The following CFDP1 variants were observed in gnomAD, a reference collection of about 807,000 sequenced individuals.
CFDP1 encodes chromatin remodeling protein CFDP1, also known as heterochromatin-stabilizing protein CFDP1.
A neutral mutation model predicts 40.1 loss-of-function variants in CFDP1; 31 were observed. The ratio of observed to expected loss-of-function variants is 0.77; its 90% confidence interval spans 0.58 to 1.04. The LOEUF (loss-of-function observed/expected upper bound fraction) is 1.04. Among genes scored for constraint, CFDP1 ranks in the 50% least tolerant of loss-of-function variants. The pLI is 0.00. For missense variants in CFDP1, 423 were observed against 343.4 expected (o/e 1.23, Z -1.83); for synonymous variants, 167 against 120.0 (o/e 1.39, Z -2.56).
At chr16:75,311,395 T>C (rs1008931740) in intron 5 of CFDP1, among the ~76,000 whole-genome samples, 1 of 152,170 alleles carries the variant, frequency 6.6e-6, no homozygotes, top group Admixed American at 6.5e-5. Context: ...CACTTTGGCC[T>C]CTCAAAGTGC....
rs1479155808 is a variant in CFDP1 at position 75,393,548 on chromosome 16, G to A, written c.650+1542C>T. 1.3e-4 allele frequency among the ~76,000 whole-genome samples: 20 copies of A among 148,848 alleles called. No homozygotes were observed. In the East Asian group the frequency reaches 1.4e-3, roughly 10 times the overall value. On this transcript the variant is annotated intron_variant, in intron 5 of 6. Coordinates refer to ENST00000283882, the MANE Select transcript of CFDP1 (RefSeq NM_006324.3). ...AGATCGAGACCATCCTGGCTAACAA[G>A]GTGAAACCCCGTCTCTACTAAAAAT...
chr16:75,422,733 C>A (rs247423), intron 1 of CFDP1, among the ~76,000 whole-genome samples: 27,004 of 150,588 alleles, frequency 0.18, 2,593 homozygotes, highest in East Asian at 0.39. Context: ...AAAAAAAACA[C>A]GTTTTTAGAG....
At chr16:75,374,803 T>C (rs1251569809) in intron 5 of CFDP1, among the ~76,000 whole-genome samples, 1 of 152,080 alleles carries the variant, frequency 6.6e-6, no homozygotes, top group Non-Finnish European at 1.5e-5. Flanking sequence ...ACAATGGAAC[T>C]GAAATAAAAA....
At chr16:75,299,000 A>G (rs532429718) in intron 6 of CFDP1, among the ~76,000 whole-genome samples, 11 of 152,274 alleles carry the variant, frequency 7.2e-5, no homozygotes, top group African/African-American at 2.6e-4. Context: ...TTCTCTATGC[A>G]TGGATTCCTC....
chr16:75,412,224 G>C (rs1484154641), intron 3 of CFDP1, among the ~76,000 whole-genome samples: 4 of 152,068 alleles, frequency 2.6e-5, no homozygotes, highest in African/African-American at 9.7e-5. Context: ...TCGCCATGTT[G>C]GCCAGGCTGG....
intron 5 of CFDP1, among the ~76,000 whole-genome samples, chr16:75,343,135 C>T (rs2078537989): frequency 6.6e-6 from 1 of 152,180 alleles, no homozygotes; most frequent in Non-Finnish European, 1.5e-5. Context: ...TTGGGGAAGA[C>T]AGAGACTTGC....
At chr16:75,307,916 G>C (rs1453309697) in intron 5 of CFDP1, among the ~76,000 whole-genome samples, 1 of 152,176 alleles carries the variant, frequency 6.6e-6, no homozygotes, top group Non-Finnish European at 1.5e-5. Flanking sequence ...TCTAGATTAG[G>C]TGTCCCTGGT....
chr16:75,333,914 GT>G (rs1253687984), intron 5 of CFDP1, among the ~76,000 whole-genome samples: 2 of 152,218 alleles, frequency 1.3e-5, no homozygotes, highest in Admixed American at 6.5e-5. Context: ...AAGGAAGGAA[GT>G]TATGGTGGTT....
At chr16:75,396,893 G>C (rs1159126303) in intron 4 of CFDP1, among the ~76,000 whole-genome samples, 1 of 152,010 alleles carries the variant, frequency 6.6e-6, no homozygotes, top group Non-Finnish European at 1.5e-5. Flanking sequence ...CCTCTGAGAA[G>C]TTTTTTCTTG....
At chr16:75,379,123 C>T (rs1374982937) in intron 5 of CFDP1, among the ~76,000 whole-genome samples, 1 of 151,058 alleles carries the variant, frequency 6.6e-6, no homozygotes, top group African/African-American at 2.4e-5. Flanking sequence ...GAAATACATA[C>T]AGTGTAAAGA....
chr16:75,418,213 C>G (rs940286119), intron 1 of CFDP1, among the ~76,000 whole-genome samples: 3 of 132,554 alleles, frequency 2.3e-5, no homozygotes, highest in Non-Finnish European at 4.6e-5. Flanking sequence ...AGATACACCA[C>G]TGCACTCCAG....
intron 5 of CFDP1, among the ~76,000 whole-genome samples, chr16:75,337,266 C>A (rs770505401): frequency 5.5e-4 from 83 of 152,178 alleles, no homozygotes; most frequent in African/African-American, 1.9e-3. Flanking sequence ...AGGCCCGGCA[C>A]AAAGGTGGAG....
chr16:75,384,212 C>G (rs1355682181), intron 5 of CFDP1, among the ~76,000 whole-genome samples: 1 of 151,980 alleles, frequency 6.6e-6, no homozygotes, highest in Non-Finnish European at 1.5e-5. Flanking sequence ...CAAAAATTAG[C>G]CAGGCATGGT....
At chr16:75,390,244 T>C (rs1190814495) in intron 5 of CFDP1, among the ~76,000 whole-genome samples, 1 of 152,230 alleles carries the variant, frequency 6.6e-6, no homozygotes, top group Non-Finnish European at 1.5e-5. Flanking sequence ...GGAGCTGCTC[T>C]GTGAGGACAG....
chr16:75,326,845 A>G (rs943817663), intron 5 of CFDP1, among the ~76,000 whole-genome samples: 3 of 152,220 alleles, frequency 2.0e-5, no homozygotes, highest in Non-Finnish European at 2.9e-5. Flanking sequence ...TCTTTCACCT[A>G]TAACGTTATA....
At chr16:75,332,764 A>G (rs1183619203) in intron 5 of CFDP1, among the ~76,000 whole-genome samples, 2 of 143,298 alleles carry the variant, frequency 1.4e-5, no homozygotes, top group Non-Finnish European at 3.1e-5. Context: ...ATATTTTACA[A>G]TTTTTTTCTG....
chr16:75,424,144 A>AG (rs762759779), intron 1 of CFDP1, among the ~76,000 whole-genome samples: 32 of 152,218 alleles, frequency 2.1e-4, no homozygotes, highest in Non-Finnish European at 4.4e-4. Context: ...TTAGGAACAG[A>AG]GGGGAACTTA....
At chr16:75,390,166 T>G (rs570113229) in intron 5 of CFDP1, among the ~76,000 whole-genome samples, 12 of 152,312 alleles carry the variant, frequency 7.9e-5, no homozygotes, top group African/African-American at 2.9e-4. Flanking sequence ...CTTGTATAGC[T>G]CCCAAGGTAG....
At chr16:75,430,758 G>A (rs908088797) in intron 1 of CFDP1, among the ~76,000 whole-genome samples, 4 of 152,090 alleles carry the variant, frequency 2.6e-5, no homozygotes, top group Non-Finnish European at 2.9e-5. Flanking sequence ...GCCACTGCTC[G>A]GCTGAGAACA....
Sources: allele counts gnomAD v4.1 joint callset (sites outside exome capture counted in the v4.1 genomes callset), GRCh38; gene constraint gnomAD v4.1.1; transcripts MANE v1.5; gene names NCBI Gene and HGNC (gene_info 2026-07-23, HGNC 2026-07-21).